NKAIN3: variants seen among roughly 807,000 people sequenced by gnomAD.
The protein encoded by NKAIN3 is sodium/potassium transporting ATPase interacting 3.
Under a neutral mutation model 30.2 loss-of-function variants are expected in NKAIN3, and 25 were observed. The observed-to-expected ratio is 0.83, with a 90% CI of 0.60 to 1.16. NKAIN3 has a LOEUF of 1.16. Ranked by LOEUF, NKAIN3 falls within the 50% of genes most tolerant of loss-of-function variation. NKAIN3 has a pLI of 0.00. For missense variants in NKAIN3, 225 were observed against 254.1 expected (o/e 0.89, Z 0.78); for synonymous variants, 91 against 89.6 (o/e 1.02, Z -0.09).
At chr8:62,345,379 ATG>A (rs869114446) in intron 1 of NKAIN3, among the ~76,000 whole-genome samples, 1 of 98,444 alleles carries the variant, frequency 1.0e-5, no homozygotes, top group African/African-American at 4.1e-5. Context: ...ATACACATAT[ATG>A]TATATATACA....
At chr8:62,669,194 A>G (rs929423097) in intron 3 of NKAIN3, among the ~76,000 whole-genome samples, 3 of 152,194 alleles carry the variant, frequency 2.0e-5, no homozygotes, top group African/African-American at 7.2e-5. Flanking sequence ...CTTCTGCCCA[A>G]CACAGAACTC....
intron 1 of NKAIN3, among the ~76,000 whole-genome samples, chr8:62,320,859 C>T (rs1250794607): frequency 6.6e-6 from 1 of 152,130 alleles, no homozygotes; most frequent in Non-Finnish European, 1.5e-5. Context: ...CTCTGTGTTT[C>T]CTGAGTTTGA....
intron 4 of NKAIN3, among the ~76,000 whole-genome samples, chr8:62,917,109 G>A (rs1202287139): frequency 6.6e-6 from 1 of 151,924 alleles, no homozygotes; most frequent in African/African-American, 2.4e-5. Context: ...GAACAGCACA[G>A]GAAGATCTCT....
intron 5 of NKAIN3, among the ~76,000 whole-genome samples, chr8:62,994,298 CTG>C (rs1394963127): frequency 6.6e-6 from 1 of 152,154 alleles, no homozygotes; most frequent in East Asian, 1.9e-4. Flanking sequence ...AGAATGGAGT[CTG>C]TGTGCTGGAG....
chr8:62,984,740 T>C lies in NKAIN3; in HGVS notation c.*19333T>C, dbSNP rs1350591149. 1 of 152,246 alleles carries C rather than the reference T, an allele frequency of 6.6e-6. No individual in the cohort carries two copies. Among genetic ancestry groups the C allele is most frequent in the African/African-American group, 2.4e-5 (1 of 41,462 alleles). 9.4% of individuals were successfully genotyped at this position (152,246 alleles called of 1,614,324 possible). On this transcript the variant is annotated 3_prime_UTR_variant, in exon 7 of 7. Coordinates refer to ENST00000623646, the MANE Select transcript of NKAIN3 (RefSeq NM_001304533.3). ...TACATTTTTGTGCATATAATGCCTG[T>C]ATATTATACTCATATTTGAAAGTGA... is the stretch of plus-strand genomic sequence containing the variant.
chr8:62,383,978 A>G (rs1817352997), intron 1 of NKAIN3, among the ~76,000 whole-genome samples: 1 of 152,056 alleles, frequency 6.6e-6, no homozygotes, highest in Admixed American at 6.6e-5. Flanking sequence ...GTACATATCA[A>G]GCAATTCAAC....
At chr8:62,587,564 CTT>C (rs910577961) in intron 2 of NKAIN3, among the ~76,000 whole-genome samples, 1 of 151,892 alleles carries the variant, frequency 6.6e-6, no homozygotes, top group African/African-American at 2.4e-5. Context: ...TTACTAAAAT[CTT>C]TTAAAACAAA....
chr8:62,533,571 T>A (rs953791063), intron 1 of NKAIN3, among the ~76,000 whole-genome samples: 11 of 152,240 alleles, frequency 7.2e-5, no homozygotes, highest in African/African-American at 2.4e-4. Flanking sequence ...TTTGGGAGAC[T>A]GAGTTCTCTC....
chr8:62,502,627 C>T (rs1359893839), intron 1 of NKAIN3, among the ~76,000 whole-genome samples: 2 of 151,948 alleles, frequency 1.3e-5, no homozygotes, highest in African/African-American at 4.8e-5. Flanking sequence ...TCTTGGTATT[C>T]TCTGTCCCTA....
intron 3 of NKAIN3, among the ~76,000 whole-genome samples, chr8:62,715,866 G>A (rs1814884242): frequency 6.6e-6 from 1 of 152,112 alleles, no homozygotes; most frequent in Non-Finnish European, 1.5e-5. Context: ...CTTTTCTGAG[G>A]CACAAGGCCA....
At chr8:62,275,199 T>G (rs989278697) in intron 1 of NKAIN3, among the ~76,000 whole-genome samples, 8 of 152,022 alleles carry the variant, frequency 5.3e-5, no homozygotes, top group African/African-American at 1.9e-4. Flanking sequence ...TGAACTAGTT[T>G]ACAGTCCCAC....
chr8:62,509,550 C>G (rs34697688), intron 1 of NKAIN3, among the ~76,000 whole-genome samples: 10,950 of 152,104 alleles, frequency 0.072, 487 homozygotes, highest in African/African-American at 0.13. Context: ...TGGTTTCATT[C>G]TTATCTCTAA....
chr8:62,592,553 T>C (rs893283839), intron 3 of NKAIN3, among the ~76,000 whole-genome samples: 3 of 151,948 alleles, frequency 2.0e-5, no homozygotes, highest in Non-Finnish European at 4.4e-5. Flanking sequence ...CCAAAGCAGA[T>C]GTTACAAATA....
chr8:62,482,780 C>T (rs985096651), intron 1 of NKAIN3: 1 of 152,202 alleles, frequency 6.6e-6, no homozygotes, highest in African/African-American at 2.4e-5. Context: ...GCACTGACAT[C>T]AGGGTTTGCC....
intron 1 of NKAIN3, among the ~76,000 whole-genome samples, chr8:62,557,149 A>G (rs1809424987): frequency 6.6e-6 from 1 of 152,092 alleles, no homozygotes; most frequent in Non-Finnish European, 1.5e-5. Flanking sequence ...TATGAGTGAG[A>G]ACATATGATG....
rs546928060 is a variant in NKAIN3, at chr8:62,902,710, A to C, written c.472-15743A>C. ...ATTAGATGGAACTTTTCCTTGATAG[A>C]AGTATTTTTCTTCAAATGACCTCAT... On this transcript the variant is annotated intron_variant, in intron 4 of 6. Transcript: ENST00000623646. Among the ~76,000 whole-genome samples the C allele has an allele frequency of 3.9e-5, 6 of 152,348 alleles. 1 individual carries two copies. The highest frequency in any genetic ancestry group is 3.9e-4 in the Admixed American group (6 of 15,302).
At chr8:62,508,176 A>G (rs1397874418) in intron 1 of NKAIN3, among the ~76,000 whole-genome samples, 1 of 152,148 alleles carries the variant, frequency 6.6e-6, no homozygotes, top group African/African-American at 2.4e-5. Context: ...ATCTGATTAG[A>G]GAGTGGTGAA....
At chr8:62,461,881 A>C (rs1806011019) in intron 1 of NKAIN3, among the ~76,000 whole-genome samples, 1 of 152,184 alleles carries the variant, frequency 6.6e-6, no homozygotes, top group African/African-American at 2.4e-5. Flanking sequence ...TCCAAAAGAG[A>C]ATAGAGAGAC....
intron 3 of NKAIN3, among the ~76,000 whole-genome samples, chr8:62,621,803 C>T (rs565263247): frequency 7.9e-4 from 120 of 152,128 alleles, no homozygotes; most frequent in Admixed American, 1.2e-3. Flanking sequence ...AAGATTTTCT[C>T]CTACTTTTTT....
Sources: gnomAD v4.1 joint callset for allele counts (sites outside exome capture counted in the v4.1 genomes callset) on GRCh38, gnomAD v4.1.1 for gene constraint, MANE v1.5 for transcripts, NCBI Gene and HGNC (gene_info 2026-07-23, HGNC 2026-07-21) for gene names.